Variants in TNFRSF11A observed in about 807,000 individuals in gnomAD.
TNFRSF11A encodes tumor necrosis factor receptor superfamily member 11A.
A neutral mutation model predicts 55.7 loss-of-function variants in TNFRSF11A; 32 were observed. The observed-to-expected ratio is 0.57, with a 90% CI of 0.43 to 0.77. The LOEUF (loss-of-function observed/expected upper bound fraction) is 0.77, where lower values mean the gene tolerates loss of function less well. Among genes scored for constraint, TNFRSF11A ranks in the 30% least tolerant of loss-of-function variants. TNFRSF11A has a pLI of 0.00. For missense variants in TNFRSF11A, 753 were observed against 809.8 expected (o/e 0.93, Z 0.85); for synonymous variants, 311 against 331.0 (o/e 0.94, Z 0.65).
chr18:62,351,110 C>G (rs1264585031), intron 3 of TNFRSF11A, among the ~76,000 whole-genome samples: 1 of 147,110 alleles, frequency 6.8e-6, no homozygotes, highest in Non-Finnish European at 1.5e-5. Flanking sequence ...TTAAGCTATT[C>G]TGCTGCCTCA....
intron 1 of TNFRSF11A, among the ~76,000 whole-genome samples, chr18:62,328,141 T>C (rs576628586): frequency 1.3e-5 from 2 of 151,004 alleles, no homozygotes; most frequent in Admixed American, 6.6e-5. Flanking sequence ...GAGCGCCAGA[T>C]GGGAAAAGCT....
At position 62,369,100 on chromosome 18, in the gene TNFRSF11A, A is replaced by T. The variant is rs753466912; in HGVS notation, c.1183A>T (p.Ser395Cys). ...AAGCCAGTGCTTCACGGGGACACAG[A>T]GCACAGTGGGTTCAGAAAGCTGCAA... ...SLSQCFTGTQ[S>C]TVGSESCNCT... Residue 395 changes from serine to cysteine, a missense_variant, in exon 9 of 10, where the codon AGC becomes TGC. Physicochemically the swap from Ser to Cys is moderately radical, Grantham distance 112. Around this residue, in one of 3 missense-constraint regions of TNFRSF11A, gnomAD observed 567 missense variants for 596.7 expected, o/e 0.95. Transcript: ENST00000586569. 69 of 1,613,966 alleles carry T rather than the reference A, an allele frequency of 4.3e-5. No homozygotes were observed. Among genetic ancestry groups the T allele is most frequent in the Non-Finnish European group, 5.8e-5 (68 of 1,180,046 alleles).
At chr18:62,339,309 C>G (rs923916737) in intron 1 of TNFRSF11A, among the ~76,000 whole-genome samples, 1 of 152,136 alleles carries the variant, frequency 6.6e-6, no homozygotes, top group East Asian at 1.9e-4. Flanking sequence ...TCCCTCCTCT[C>G]GAATCCTTCT....
intron 9 of TNFRSF11A, chr18:62,372,979 G>A (rs1043024035): frequency 1.3e-5 from 2 of 152,198 alleles, no homozygotes; most frequent in Admixed American, 1.3e-4. Flanking sequence ...AAACAAGTAG[G>A]GATTAATGCC....
chr18:62,356,974 T>A (rs1029595943), intron 4 of TNFRSF11A, among the ~76,000 whole-genome samples: 1 of 152,212 alleles, frequency 6.6e-6, no homozygotes, highest in Non-Finnish European at 1.5e-5. Context: ...TTTTGAGGGC[T>A]TCTCACAACT....
At position 62,387,587 on chromosome 18, in the gene TNFRSF11A, T is replaced by C. The variant is rs1181113629; in HGVS notation, c.*2553T>C. 1 of 152,216 alleles carries C rather than the reference T, an allele frequency of 6.6e-6. No homozygotes were observed. The highest frequency in any genetic ancestry group is 1.5e-5 in the Non-Finnish European group (1 of 68,038). The allele number at this position is 152,216 out of a possible 1,614,324, so 9.4% of individuals were successfully genotyped here. On this transcript the variant is annotated 3_prime_UTR_variant, in exon 10 of 10. Coordinates refer to ENST00000586569, the MANE Select transcript of TNFRSF11A (RefSeq NM_003839.4). ...CAGACTAGGGACAGAAAATACTTGCTTTAATAATATATATGCTGTTGATTT... is the reference window on the plus strand; with the variant it reads ...CAGACTAGGGACAGAAAATACTTGCCTTAATAATATATATGCTGTTGATTT...
chr18:62,375,720 C>G (rs1910845262), intron 9 of TNFRSF11A, among the ~76,000 whole-genome samples: 1 of 152,092 alleles, frequency 6.6e-6, no homozygotes, highest in African/African-American at 2.4e-5. Context: ...TGATTGCAGG[C>G]CAGGGCACAG....
At chr18:62,332,991 A>G (rs935182787) in intron 1 of TNFRSF11A, among the ~76,000 whole-genome samples, 1 of 152,182 alleles carries the variant, frequency 6.6e-6, no homozygotes. Flanking sequence ...AGAATCGGGC[A>G]GGGGGTGTTT....
At position 62,384,708 on chromosome 18, in the gene TNFRSF11A, C is replaced by T. The variant is rs56231704; in HGVS notation, c.1568-43C>T. The stretch of plus-strand genomic sequence containing the variant: ...CCTCTCGGCAGACCCTGCCTCCGGG[C>T]GCTGACTCACCCTCCCCGTGTTCTC... On this transcript the variant is annotated intron_variant, in intron 9 of 9. Transcript: ENST00000586569. 381,336 of 1,598,578 alleles carry T rather than the reference C, an allele frequency of 0.24. 51,277 individuals are homozygous for T. Among genetic ancestry groups the T allele is most frequent in the Non-Finnish European group, 0.28 (327,269 of 1,171,400 alleles).
At chr18:62,364,784 C>T (rs1311282480) in intron 7 of TNFRSF11A, among the ~76,000 whole-genome samples, 3 of 152,222 alleles carry the variant, frequency 2.0e-5, no homozygotes, top group Admixed American at 1.3e-4. Flanking sequence ...GCGTGTACTA[C>T]GTACATCTTC....
At chr18:62,360,356 G>A (rs532657565) in intron 6 of TNFRSF11A, among the ~76,000 whole-genome samples, 7 of 152,232 alleles carry the variant, frequency 4.6e-5, no homozygotes, top group South Asian at 2.1e-4. Context: ...AAGTGAGGGT[G>A]TCTATGAGGA....
At chr18:62,355,025 G>A (rs1218273055) in intron 4 of TNFRSF11A, among the ~76,000 whole-genome samples, 1 of 152,168 alleles carries the variant, frequency 6.6e-6, no homozygotes, top group Non-Finnish European at 1.5e-5. Flanking sequence ...CTGAAGAAAC[G>A]AATCCAGGGG....
intron 4 of TNFRSF11A, 151 bp from the exon 5 acceptor site, chr18:62,358,097 A>G: frequency 1.4e-6 from 1 of 697,262 alleles, no homozygotes. Context: ...GAAGTTAGAC[A>G]CAGGGGTGGG....
At chr18:62,343,491 T>C (rs1288798444) in intron 1 of TNFRSF11A, among the ~76,000 whole-genome samples, 2 of 152,200 alleles carry the variant, frequency 1.3e-5, no homozygotes, top group Non-Finnish European at 2.9e-5. Context: ...CTGGCAGAAA[T>C]GTTATGTTTC....
At chr18:62,357,921 G>A in intron 4 of TNFRSF11A, 1 of 311,174 alleles carries the variant, frequency 3.2e-6, no homozygotes, top group Non-Finnish European at 6.2e-6. Flanking sequence ...GTGACCAGGG[G>A]AGTGGCTCAG....
In TNFRSF11A at chr18:62,385,459, G is replaced by A. The variant is rs1326171240; in HGVS notation, c.*425G>A. ...TTCTCAAAAATTCTCCTAAAGGTGAGGGTCTCTTTCTTTTCTCTTTTCCTT... is the reference window on the plus strand; with the variant it reads ...TTCTCAAAAATTCTCCTAAAGGTGAAGGTCTCTTTCTTTTCTCTTTTCCTT... On this transcript the variant is annotated 3_prime_UTR_variant, in exon 10 of 10. Coordinates refer to ENST00000586569, the MANE Select transcript of TNFRSF11A (RefSeq NM_003839.4). 6.3e-6 allele frequency: 1 copy of A among 159,972 alleles called. No individual in the cohort carries two copies. The highest frequency in any genetic ancestry group is 2.4e-5 in the African/African-American group (1 of 41,686). 9.9% of individuals were successfully genotyped at this position (159,972 alleles called of 1,614,324 possible).
At chr18:62,363,769 A>G (rs1343423315) in intron 7 of TNFRSF11A, among the ~76,000 whole-genome samples, 1 of 152,228 alleles carries the variant, frequency 6.6e-6, no homozygotes, top group Non-Finnish European at 1.5e-5. Flanking sequence ...TGGATAATGC[A>G]TGTTCAGATG....
At chr18:62,329,853 C>G (rs1261114519) in intron 1 of TNFRSF11A, among the ~76,000 whole-genome samples, 2 of 152,204 alleles carry the variant, frequency 1.3e-5, no homozygotes, top group African/African-American at 4.8e-5. Context: ...CTGCTGTTCT[C>G]ACTGTGTCAC....
chr18:62,335,857 G>A (rs764501851), intron 1 of TNFRSF11A, among the ~76,000 whole-genome samples: 7 of 152,168 alleles, frequency 4.6e-5, no homozygotes, highest in Non-Finnish European at 1.0e-4. Flanking sequence ...AGTGGTCTTT[G>A]AGAAAAATTA....
Sources: allele counts gnomAD v4.1 joint callset (sites outside exome capture counted in the v4.1 genomes callset), GRCh38; gene constraint gnomAD v4.1.1; regional missense constraint gnomAD v4.1.1; transcripts MANE v1.5; gene names NCBI Gene and HGNC (gene_info 2026-07-23, HGNC 2026-07-21).